PPP2R2A: variants seen among roughly 807,000 people sequenced by gnomAD.
PPP2R2A encodes the protein protein phosphatase 2 regulatory subunit Balpha, also known as serine/threonine-protein phosphatase 2A 55 kDa regulatory subunit B alpha isoform.
PPP2R2A carries 9 observed loss-of-function variants against 53.2 expected under a neutral mutation model. The ratio of observed to expected loss-of-function variants is 0.17; its 90% CI spans 0.10 to 0.30. The LOEUF is 0.30. Among genes scored for constraint, PPP2R2A ranks in the 10% least tolerant of loss-of-function variants. The pLI is 1.00. For missense variants in PPP2R2A, 235 were observed against 534.6 expected (o/e 0.44, Z 5.53); for synonymous variants, 169 against 174.2 (o/e 0.97, Z 0.23).
chr8:26,340,186 C>G (rs1803871340), intron 3 of PPP2R2A, among the ~76,000 whole-genome samples: 1 of 151,920 alleles, frequency 6.6e-6, no homozygotes, highest in Admixed American at 6.6e-5. Context: ...AGAATCTTGA[C>G]ATACTTAGAG....
intron 8 of PPP2R2A, 39 bp from the exon 9 acceptor site, chr8:26,366,276 T>G (rs765791032): frequency 6.6e-7 from 1 of 1,503,800 alleles, no homozygotes; most frequent in Non-Finnish European, 9.2e-7. Context: ...TAAATCATTT[T>G]CCTAATTTCA....
At chr8:26,335,122 G>A (rs1157139789) in intron 2 of PPP2R2A, among the ~76,000 whole-genome samples, 1 of 152,224 alleles carries the variant, frequency 6.6e-6, no homozygotes, top group African/African-American at 2.4e-5. Context: ...ATGCCGGTAT[G>A]CAGTGGCACA....
rs187401973 is a variant in PPP2R2A at position 26,328,179 on chromosome 8, A to G, written c.83-10711A>G. On this transcript the variant is annotated intron_variant, in intron 2 of 9. Transcript: ENST00000380737. The stretch of plus-strand genomic sequence containing the variant: ...AATGATCCATCTATTATTCCAGGAT[A>G]GACATTTTAGTCATAACCATATATG... 4.3e-3 allele frequency among the ~76,000 whole-genome samples: 661 copies of G among 152,364 alleles called. 2 individuals carry two copies. The highest frequency in any genetic ancestry group is 9.2e-3 in the Admixed American group (141 of 15,304).
chr8:26,352,842 C>T (rs984209156), intron 3 of PPP2R2A, among the ~76,000 whole-genome samples: 1 of 152,164 alleles, frequency 6.6e-6, no homozygotes, highest in Non-Finnish European at 1.5e-5. Flanking sequence ...CTTCATATTG[C>T]TTACCTTAAT....
At chr8:26,313,802 C>T (rs1802408441) in intron 2 of PPP2R2A, among the ~76,000 whole-genome samples, 1 of 152,166 alleles carries the variant, frequency 6.6e-6, no homozygotes, top group Non-Finnish European at 1.5e-5. Flanking sequence ...TGGATTCTCC[C>T]CTTAAAGCTT....
intron 2 of PPP2R2A, among the ~76,000 whole-genome samples, chr8:26,311,302 C>T (rs571845975): frequency 2.6e-5 from 4 of 152,216 alleles, no homozygotes; most frequent in African/African-American, 7.2e-5. Flanking sequence ...AAGCCTATTC[C>T]GGTCCACAAA....
At chr8:26,324,304 C>G (rs1018442012) in intron 2 of PPP2R2A, among the ~76,000 whole-genome samples, 5 of 152,234 alleles carry the variant, frequency 3.3e-5, no homozygotes, top group African/African-American at 1.2e-4. Flanking sequence ...GCACTGAGCA[C>G]TGCCTGATAC....
intron 2 of PPP2R2A, among the ~76,000 whole-genome samples, chr8:26,298,197 T>C (rs1251587070): frequency 5.9e-5 from 9 of 152,122 alleles, no homozygotes; most frequent in African/African-American, 2.2e-4. Flanking sequence ...CAATTTTTGG[T>C]TTTCTTTATC....
chr8:26,356,841 C>G (rs746131557), intron 4 of PPP2R2A, among the ~76,000 whole-genome samples: 2 of 152,194 alleles, frequency 1.3e-5, no homozygotes, highest in Admixed American at 1.3e-4. Flanking sequence ...TTCTGACACT[C>G]CTCAGTTCAT....
At chr8:26,336,387 C>T (rs1803660625) in intron 2 of PPP2R2A, among the ~76,000 whole-genome samples, 1 of 151,992 alleles carries the variant, frequency 6.6e-6, no homozygotes, top group Non-Finnish European at 1.5e-5. Context: ...TATGATTGAA[C>T]CACTGCATTC....
At chr8:26,304,309 C>T (rs1179682334) in intron 2 of PPP2R2A, among the ~76,000 whole-genome samples, 1 of 150,324 alleles carries the variant, frequency 6.7e-6, no homozygotes, top group African/African-American at 2.5e-5. Flanking sequence ...TAAAAACTGT[C>T]TCTCATGGGT....
intron 2 of PPP2R2A, among the ~76,000 whole-genome samples, chr8:26,310,901 T>A (rs915076819): frequency 7.2e-5 from 11 of 152,202 alleles, no homozygotes; most frequent in South Asian, 2.1e-4. Flanking sequence ...GATGCTTTTT[T>A]AAATTTATTT....
intron 2 of PPP2R2A, among the ~76,000 whole-genome samples, chr8:26,323,558 T>G (rs1300708298): frequency 1.3e-5 from 2 of 152,192 alleles, no homozygotes; most frequent in African/African-American, 4.8e-5. Flanking sequence ...TGGGTTCGAT[T>G]AATTTGCTAG....
chr8:26,368,850 T>C (rs529452973), intron 9 of PPP2R2A, among the ~76,000 whole-genome samples: 49 of 152,258 alleles, frequency 3.2e-4, no homozygotes, highest in African/African-American at 1.2e-3. Context: ...CTCACGCCTG[T>C]AATCCCAGCA....
chr8:26,352,620 T>C (rs1028038226), intron 3 of PPP2R2A, among the ~76,000 whole-genome samples: 1 of 152,256 alleles, frequency 6.6e-6, no homozygotes, highest in Non-Finnish European at 1.5e-5. Context: ...ATTTATTTCC[T>C]GTTGCAAAGA....
chr8:26,329,361 G>C (rs915672232), intron 2 of PPP2R2A, among the ~76,000 whole-genome samples: 15 of 151,810 alleles, frequency 9.9e-5, no homozygotes, highest in African/African-American at 3.6e-4. Flanking sequence ...TCCCATCACT[G>C]TTCCTGTCTT....
intron 3 of PPP2R2A, among the ~76,000 whole-genome samples, chr8:26,351,652 C>T (rs1804521333): frequency 1.3e-5 from 2 of 152,148 alleles, no homozygotes; most frequent in African/African-American, 2.4e-5. Context: ...ATTTTATTTC[C>T]TATGAATAGT....
chr8:26,339,024 G>T, intron 3 of PPP2R2A, 37 bp downstream of exon 3: 1 of 1,469,296 alleles, frequency 6.8e-7, no homozygotes, highest in South Asian at 1.2e-5. Flanking sequence ...ATTTCAGTTT[G>T]ATCTTAGGAC....
At chr8:26,361,226 T>A in intron 6 of PPP2R2A, 75 bp downstream of exon 6, 1 of 1,416,768 alleles carries the variant, frequency 7.1e-7, no homozygotes, top group Non-Finnish European at 9.5e-7. Context: ...TCATCTCTCC[T>A]AATGAATTTG....
Sources: allele counts gnomAD v4.1 joint callset (sites outside exome capture counted in the v4.1 genomes callset), GRCh38; gene constraint gnomAD v4.1.1; transcripts MANE v1.5; gene names NCBI Gene and HGNC (gene_info 2026-07-23, HGNC 2026-07-21).